The following PPT2 variants were observed in gnomAD, a reference collection of about 807,000 sequenced individuals.
PPT2 encodes the protein lysosomal thioesterase PPT2.
PPT2 carries 20 observed loss-of-function variants against 37.3 expected under a neutral mutation model. That is an observed-to-expected ratio of 0.54 (90% confidence interval 0.38 to 0.78). The LOEUF is 0.78. Among genes scored for constraint, PPT2 ranks in the 30% least tolerant of loss-of-function variants. The pLI is 0.00. For synonymous variants in PPT2, 135 were observed against 159.1 expected, an observed-to-expected ratio of 0.85 and a Z score of 1.14; for missense variants, 270 against 389.8, an observed-to-expected ratio of 0.69 and a Z score of 2.59.
chr6:32,162,173 C>T lies in PPT2; in HGVS notation c.711-395C>T, dbSNP rs1451517221. Among the ~76,000 whole-genome samples, 1 of 152,208 alleles carries T rather than the reference C, an allele frequency of 6.6e-6. No individual in the cohort carries two copies. Among genetic ancestry groups the T allele is most frequent in the Non-Finnish European group, 1.5e-5 (1 of 68,040 alleles). On this transcript the variant is annotated intron_variant, in intron 7 of 8. Transcript: ENST00000324816. This position sits in a 1 kb window ranked among gnomAD's most constrained non-coding sequence, Gnocchi z 5.5. The stretch of plus-strand genomic sequence containing the variant: ...TGGGTTCCTTTGGGACCTTAGCCCA[C>T]CTTGATTTCTTCCTTTCTTTTTTCC...
rs1396320012 is a variant in PPT2 at position 32,154,722 on chromosome 6, A to G, written c.128A>G (p.His43Arg). 6.2e-7 allele frequency: 1 copy of G among 1,613,162 alleles called. No homozygotes were observed. Among genetic ancestry groups the G allele is most frequent in the South Asian group, 1.1e-5 (1 of 91,082 alleles). Residue 43 changes from histidine (H) to arginine (R), a missense_variant, in exon 2 of 9, where the codon CAT (histidine) becomes CGT (arginine). Transcript: ENST00000324816. The surrounding 1 kb of genome is among the most constrained non-coding windows in gnomAD (Gnocchi z 7.3). ...RASYKPVIVV[H>R]GLFDSSYSFR... ...TCCTACAAGCCGGTCATCGTGGTGC[A>G]TGGGCTCTTCGACAGCTCGTACAGC...
In PPT2 at chr6:32,162,857, C is replaced by T; in HGVS notation, c.816C>T (p.Ala272=). 1 of 1,613,960 alleles carries T rather than the reference C, an allele frequency of 6.2e-7. No homozygotes were observed. Among genetic ancestry groups the T allele is most frequent in the Non-Finnish European group, 8.5e-7 (1 of 1,179,844 alleles). The change falls in exon 9 of 9, where the codon GCC becomes GCT. Residue 272 remains alanine (A), a synonymous_variant. Transcript: ENST00000324816. This position sits in a 1 kb window ranked among gnomAD's most constrained non-coding sequence, Gnocchi z 5.5. ...FGLKTLLARG[A]IVRCPMAGIS... is the part of the protein sequence containing the mutation. ...TGAAGACTCTATTGGCCCGGGGGGCCATAGTGAGGTGTCCAATGGCCGGTA... is the reference window on the plus strand; with the variant it reads ...TGAAGACTCTATTGGCCCGGGGGGCTATAGTGAGGTGTCCAATGGCCGGTA...
At chr6:32,159,272 A>G (rs1253634460) in intron 7 of PPT2, among the ~76,000 whole-genome samples, 3 of 151,640 alleles carry the variant, frequency 2.0e-5, no homozygotes, top group African/African-American at 7.3e-5. Context: ...TGTCTGTACT[A>G]AAAATACAAA....
In PPT2 at chr6:32,162,545, C is replaced by A; in HGVS notation, c.711-23C>A. The A allele has an allele frequency of 6.3e-7, 1 of 1,596,492 alleles. No individual in the cohort carries two copies. Among genetic ancestry groups the A allele is most frequent in the Non-Finnish European group, 8.6e-7 (1 of 1,164,038 alleles). On this transcript the variant is annotated intron_variant, in intron 7 of 8. Coordinates refer to ENST00000324816, the MANE Select transcript of PPT2 (RefSeq NM_005155.7). This position sits in a 1 kb window ranked among gnomAD's most constrained non-coding sequence, Gnocchi z 5.5. Reference sequence around the variant, plus strand: ...AGATTTTCTCCAGCTCTTCTGATAACCTCCCCCCAAATCTCTTTGTAGCTT... The same window carrying A: ...AGATTTTCTCCAGCTCTTCTGATAAACTCCCCCCAAATCTCTTTGTAGCTT...
In PPT2 at chr6:32,162,518, C is replaced by T. The variant is rs1784227644; in HGVS notation, c.711-50C>T. On this transcript the variant is annotated intron_variant, in intron 7 of 8. Transcript: ENST00000324816. This position sits in a 1 kb window ranked among gnomAD's most constrained non-coding sequence, Gnocchi z 5.5. ...TACAGGCGTGTGCCACTGCGCCCGGCCAGATTTTCTCCAGCTCTTCTGATA... is the reference window on the plus strand; with the variant it reads ...TACAGGCGTGTGCCACTGCGCCCGGTCAGATTTTCTCCAGCTCTTCTGATA... The T allele has an allele frequency of 6.5e-7, 1 of 1,547,248 alleles. No individual in the cohort carries two copies. The highest frequency in any genetic ancestry group is 1.4e-5 in the African/African-American group (1 of 73,290).
chr6:32,162,772 T>C lies in PPT2; in HGVS notation c.766-35T>C, dbSNP rs979034046. Reference sequence around the variant, plus strand: ...CACTTTGTCTCTCCTTGTGTCTCTCTTCCATGCTTCCACGCCCCTTCGACC... The same window carrying C: ...CACTTTGTCTCTCCTTGTGTCTCTCCTCCATGCTTCCACGCCCCTTCGACC... On this transcript the variant is annotated intron_variant, in intron 8 of 8. Transcript: ENST00000324816. This position sits in a 1 kb window ranked among gnomAD's most constrained non-coding sequence, Gnocchi z 5.5. The C allele has an allele frequency of 1.2e-6, 2 of 1,609,650 alleles. No individual in the cohort carries two copies. The highest frequency in any genetic ancestry group is 2.7e-5 in the African/African-American group (2 of 74,728).
At position 32,155,153 on chromosome 6, in the gene PPT2, C is replaced by G; in HGVS notation, c.307C>G (p.Gln103Glu). ...AVVPIMAKAP[Q>E]GVHLICYSQG... ...GGTCCCCATCATGGCAAAGGCCCCT[C>G]AAGGGGTGCATCTCATCTGCTACTC... Residue 103 changes from glutamine (Q) to glutamate (E), a missense_variant, in exon 3 of 9, where the codon CAA becomes GAA. Coordinates refer to ENST00000324816, the MANE Select transcript of PPT2 (RefSeq NM_005155.7). The surrounding 1 kb of genome is among the most constrained non-coding windows in gnomAD (Gnocchi z 4.3). The G allele has an allele frequency of 1.9e-6, 3 of 1,613,074 alleles. No individual in the cohort carries two copies. The highest frequency in any genetic ancestry group is 2.2e-5 in the South Asian group (2 of 91,086).
chr6:32,160,145 C>T (rs947749227), intron 7 of PPT2, among the ~76,000 whole-genome samples: 21 of 151,064 alleles, frequency 1.4e-4, no homozygotes, highest in African/African-American at 4.6e-4. Flanking sequence ...CCCAGGTTCA[C>T]GCCATTCTCC....
Position 32,155,595 on chromosome 6 carries a change from T to TGC in PPT2, c.338-92_338-91insCG, listed in dbSNP as rs1468333604. On this transcript the variant is annotated intron_variant, in intron 3 of 8. Coordinates refer to ENST00000324816, the MANE Select transcript of PPT2 (RefSeq NM_005155.7). This position sits in a 1 kb window ranked among gnomAD's most constrained non-coding sequence, Gnocchi z 4.3. Reference sequence around the variant, plus strand: ...GTCTGTGTGTGTCTCTGTGTGTGTGTGTGTGTGTGTGTGTGTGTGTGTGGT... The same window carrying TGC: ...GTCTGTGTGTGTCTCTGTGTGTGTGTGCGTGTGTGTGTGTGTGTGTGTGTGGT... 14 of 784,680 alleles carry TGC rather than the reference T, an allele frequency of 1.8e-5. No homozygotes were observed. The African/African-American group carries it at 2.8e-4, about 16-fold the overall frequency. The allele number at this position is 784,680 out of a possible 1,614,324, so 48.6% of individuals were successfully genotyped here. A position where few individuals can be genotyped will look rare whatever the true frequency, so the allele number is the denominator to read the frequency against.
chr6:32,153,841 A>C, upstream of PPT2: 1 of 1,053,336 alleles, frequency 9.5e-7, no homozygotes. The surrounding 1 kb of genome is among the most constrained non-coding windows in gnomAD (Gnocchi z 4.4). Context: ...AGACGCCTGT[A>C]TTGGGAAGTG....
rs1457453389 is a variant in PPT2, at chr6:32,155,207, C to T, written c.337+24C>T. ...GGGTAGGCGACTCCCCTGCCCCTAA[C>T]TCCTAAGCCCTATCTGAGGCTTGAT... On this transcript the variant is annotated intron_variant, in intron 3 of 8. Transcript: ENST00000324816. The surrounding 1 kb of genome is among the most constrained non-coding windows in gnomAD (Gnocchi z 4.3). The T allele has an allele frequency of 6.2e-7, 1 of 1,612,102 alleles. No individual in the cohort carries two copies. Among genetic ancestry groups the T allele is most frequent in the East Asian group, 2.2e-5 (1 of 44,870 alleles).
chr6:32,153,994 C>T (rs896665278), upstream of PPT2: 1 of 1,272,926 alleles, frequency 7.9e-7, no homozygotes, highest in African/African-American at 1.5e-5. The surrounding 1 kb of genome is among the most constrained non-coding windows in gnomAD (Gnocchi z 4.4). Context: ...CTGTTTCCTC[C>T]CCAGCACCTA....
At chr6:32,158,899 G>C (rs1391901147) in intron 7 of PPT2, among the ~76,000 whole-genome samples, 1 of 152,180 alleles carries the variant, frequency 6.6e-6, no homozygotes, top group Admixed American at 6.5e-5. Context: ...GAGGACAGGA[G>C]AGGAGCTAAA....
Position 32,155,176 on chromosome 6 carries a change from C to T in PPT2, c.330C>T (p.Tyr110=). Reference sequence around the variant, plus strand: ...CTCAAGGGGTGCATCTCATCTGCTACTCGCAGGGTAGGCGACTCCCCTGCC... The same window carrying T: ...CTCAAGGGGTGCATCTCATCTGCTATTCGCAGGGTAGGCGACTCCCCTGCC... ...KAPQGVHLIC[Y]SQGGLVCRAL... is the part of the protein sequence containing the mutation. Residue 110 remains tyrosine (Y), a synonymous_variant, in exon 3 of 9, where the codon TAC becomes TAT. Coordinates refer to ENST00000324816, the MANE Select transcript of PPT2 (RefSeq NM_005155.7). The surrounding 1 kb of genome is among the most constrained non-coding windows in gnomAD (Gnocchi z 4.3). 1 of 1,613,086 alleles carries T rather than the reference C, an allele frequency of 6.2e-7. No homozygotes were observed. The highest frequency in any genetic ancestry group is 1.3e-5 in the African/African-American group (1 of 75,040).
Position 32,162,774 on chromosome 6 carries a change from C to T in PPT2, c.766-33C>T. ...CTTTGTCTCTCCTTGTGTCTCTCTT[C>T]CATGCTTCCACGCCCCTTCGACCAC... is the stretch of plus-strand genomic sequence containing the variant. On this transcript the variant is annotated intron_variant, in intron 8 of 8. Transcript: ENST00000324816. The surrounding 1 kb of genome is among the most constrained non-coding windows in gnomAD (Gnocchi z 5.5). 2 of 1,609,960 alleles carry T rather than the reference C, an allele frequency of 1.2e-6. No individual in the cohort carries two copies. Among genetic ancestry groups the T allele is most frequent in the Non-Finnish European group, 1.7e-6 (2 of 1,177,382 alleles).
rs1582601853 is a variant in PPT2 at position 32,154,296 on chromosome 6, A to G, written c.-117A>G. 1 of 1,350,670 alleles carries G rather than the reference A, an allele frequency of 7.4e-7. No individual in the cohort carries two copies. The allele number at this position is 1,350,670 out of a possible 1,614,324, so 83.7% of individuals were successfully genotyped here. ...GCCTGGGCTGCTGCTCACGGGTATTAAAGAACTCCGCGTTGTTCATGGCTG... is the reference window on the plus strand; with the variant it reads ...GCCTGGGCTGCTGCTCACGGGTATTGAAGAACTCCGCGTTGTTCATGGCTG... On this transcript the variant is annotated 5_prime_UTR_variant, in exon 1 of 9. Coordinates refer to ENST00000324816, the MANE Select transcript of PPT2 (RefSeq NM_005155.7). The surrounding 1 kb of genome is among the most constrained non-coding windows in gnomAD (Gnocchi z 7.3).
chr6:32,159,719 TC>T (rs1487473445), intron 7 of PPT2, among the ~76,000 whole-genome samples: 4 of 151,482 alleles, frequency 2.6e-5, no homozygotes, highest in African/African-American at 4.9e-5. Context: ...AGTCACTGTT[TC>T]TTCCTTTTTT....
At chr6:32,159,349 C>T (rs1479463153) in intron 7 of PPT2, among the ~76,000 whole-genome samples, 1 of 146,348 alleles carries the variant, frequency 6.8e-6, no homozygotes, top group Non-Finnish European at 1.5e-5. Context: ...AGGAGAATCG[C>T]TTGAACCTGG....
chr6:32,157,790 C>G (rs1300153007), intron 6 of PPT2, 50 bp from the exon 7 acceptor site: 8 of 1,580,328 alleles, frequency 5.1e-6, no homozygotes, highest in Non-Finnish European at 7.0e-6. Flanking sequence ...CCTCTCCAAC[C>G]TGGCCTGACC....
Sources: gnomAD v4.1 joint callset for allele counts (sites outside exome capture counted in the v4.1 genomes callset) on GRCh38, gnomAD v4.1.1 for gene constraint, Gnocchi (gnomAD v3.1) non-coding constraint, MANE v1.5 for transcripts, NCBI Gene and HGNC (gene_info 2026-07-23, HGNC 2026-07-21) for gene names.